LILRA1: variants seen among roughly 807,000 people sequenced by gnomAD.
LILRA1 encodes the protein leukocyte immunoglobulin like receptor A1.
A neutral mutation model predicts 51.6 loss-of-function variants in LILRA1; 51 were observed. The ratio of observed to expected loss-of-function variants is 0.99; its 90% CI spans 0.79 to 1.25. The LOEUF is 1.25. LILRA1 is among the 50% of genes most tolerant of loss of function. LILRA1 has a pLI of 0.00. For synonymous variants in LILRA1, 305 were observed against 248.4 expected (o/e 1.23, Z -2.14); for missense variants, 660 against 611.7 (o/e 1.08, Z -0.83).
intron 1 of LILRA1, 112 bp from the exon 2 acceptor site, chr19:54,594,084 TC>T: frequency 3.4e-6 from 4 of 1,190,212 alleles, no homozygotes; most frequent in Non-Finnish European, 4.8e-6. Context: ...TAGTTCTGCT[TC>T]CTGTGTGGCT....
chr19:54,598,309 T>TA (rs1238037042), intron 7 of LILRA1, among the ~76,000 whole-genome samples: 9 of 152,220 alleles, frequency 5.9e-5, no homozygotes, highest in African/African-American at 1.9e-4. Context: ...CTTGATTTAA[T>TA]TTATATATTC....
chr19:54,597,292 G>A (rs1300516419), intron 7 of LILRA1, among the ~76,000 whole-genome samples: 9 of 152,310 alleles, frequency 5.9e-5, no homozygotes, highest in African/African-American at 2.2e-4. Flanking sequence ...TGGCTTCCTG[G>A]TGCTCCAGGG....
chr19:54,596,199 T>C lies in LILRA1; in HGVS notation c.969T>C (p.Arg323=). The C allele has an allele frequency of 6.2e-7, 1 of 1,613,662 alleles. No homozygotes were observed. The highest frequency in any genetic ancestry group is 8.5e-7 in the Non-Finnish European group (1 of 1,179,776). The change falls in exon 7 of 10, where the codon CGT becomes CGC. Residue 323 remains arginine (R), a synonymous_variant. Transcript: ENST00000251372. Reference sequence around the variant, plus strand: ...CCTTCTTCTCTCCAGGACAGTTCCGTGGCAGACCCTTCATCTCGGTGCATC... The same window carrying C: ...CCTTCTTCTCTCCAGGACAGTTCCGCGGCAGACCCTTCATCTCGGTGCATC... ...PLDILIAGQF[R]GRPFISVHPG...
chr19:54,593,713 G>A lies in LILRA1; in HGVS notation c.-117G>A. 1 of 572,362 alleles carries A rather than the reference G, an allele frequency of 1.7e-6. No homozygotes were observed. The highest frequency in any genetic ancestry group is 3.0e-6 in the Non-Finnish European group (1 of 330,396). The allele number at this position is 572,362 out of a possible 1,614,324, so 35.5% of individuals were successfully genotyped here. On this transcript the variant is annotated 5_prime_UTR_variant, in exon 1 of 10. The change abolishes the stop of an existing upstream ORF in the 5' untranslated region. Coordinates refer to ENST00000251372, the MANE Select transcript of LILRA1 (RefSeq NM_006863.4). ...ATGCGAGATGCTTCTCTGCTGATCT[G>A]AGTCTGCCTGCAGCATGGACCTTGG...
chr19:54,594,402 G>A (rs772588461), intron 2 of LILRA1, 39 bp from the exon 3 acceptor site: 3 of 1,614,214 alleles, frequency 1.9e-6, no homozygotes, highest in Non-Finnish European at 2.5e-6. Context: ...ACCTGCCCAG[G>A]CTTCAGGGGC....
chr19:54,594,815 C>T lies in LILRA1; in HGVS notation c.221C>T (p.Pro74Leu), dbSNP rs1261726502. 6.2e-7 allele frequency: 1 copy of T among 1,614,114 alleles called. No homozygotes were observed. ...KKTAPWITRI[P>L]QEIVKKGQFP... is the part of the protein sequence containing the mutation. ...ACAGCACCCTGGATTACACGGATCC[C>T]ACAGGAGATTGTGAAGAAGGGCCAG... The change falls in exon 4 of 10, where the codon CCA (proline) becomes CTA (leucine). Residue 74 changes from proline (P) to leucine (L), a missense_variant. Physicochemically the swap from Pro to Leu is moderately conservative, Grantham distance 98. Transcript: ENST00000251372.
intron 5 of LILRA1, 42 bp from the exon 6 acceptor site, chr19:54,595,597 C>G: frequency 6.3e-7 from 1 of 1,575,150 alleles, no homozygotes; most frequent in African/African-American, 1.4e-5. Context: ...TGTGGGGAAG[C>G]CTGAGGGTCG....
intron 2 of LILRA1, 75 bp downstream of exon 2, chr19:54,594,353 G>C: frequency 1.2e-6 from 2 of 1,614,008 alleles, no homozygotes; most frequent in Non-Finnish European, 1.7e-6. Context: ...AGTCCCTAAG[G>C]AGACCCCAGG....
rs2063164094 is a variant in LILRA1, at chr19:54,601,722, T to C, written c.*905T>C. ...ATCCAGCTGCAGACAAGACCTCAGG[T>C]CGATGAATCTTGACAAGCAGTTGAG... On this transcript the variant is annotated 3_prime_UTR_variant, in exon 10 of 10. Transcript: ENST00000251372. 6.6e-6 allele frequency: 1 copy of C among 152,184 alleles called. No homozygotes were observed. Among genetic ancestry groups the C allele is most frequent in the Non-Finnish European group, 1.5e-5 (1 of 68,032 alleles). The allele number at this position is 152,184 out of a possible 1,614,324, so 9.4% of individuals were successfully genotyped here.
At chr19:54,594,537 C>G in intron 3 of LILRA1, 61 bp downstream of exon 3, 1 of 1,447,010 alleles carries the variant, frequency 6.9e-7, no homozygotes. Flanking sequence ...GGGCCACCCC[C>G]GTGCAGCTGG....
chr19:54,600,652 A>T, intron 9 of LILRA1, 47 bp from the exon 10 acceptor site: 2 of 1,612,562 alleles, frequency 1.2e-6, no homozygotes, highest in Non-Finnish European at 1.7e-6. Flanking sequence ...TCCTGGGTGA[A>T]GTTGATCTGC....
chr19:54,595,888 C>G lies in LILRA1; in HGVS notation c.911C>G (p.Ser304Cys). The change falls in exon 6 of 10, where the codon TCC (serine) becomes TGC (cysteine). Residue 304 changes from serine to cysteine, a missense_variant. Ser to Cys is a moderately radical substitution (Grantham distance 112). Coordinates refer to ENST00000251372, the MANE Select transcript of LILRA1 (RefSeq NM_006863.4). ...QYRCSGAYNLSSEWSAPSDPL... is the reference protein window; with the variant it reads ...QYRCSGAYNLCSEWSAPSDPL... Reference sequence around the variant, plus strand: ...AGATGCTCCGGTGCATACAACCTCTCCTCCGAGTGGTCGGCCCCCAGCGAC... The same window carrying G: ...AGATGCTCCGGTGCATACAACCTCTGCTCCGAGTGGTCGGCCCCCAGCGAC... 1 of 1,613,870 alleles carries G rather than the reference C, an allele frequency of 6.2e-7. No individual in the cohort carries two copies. The highest frequency in any genetic ancestry group is 8.5e-7 in the Non-Finnish European group (1 of 1,179,956).
In LILRA1 at chr19:54,595,265, A is replaced by T; in HGVS notation, c.524A>T (p.His175Leu). 6.2e-7 allele frequency: 1 copy of T among 1,611,816 alleles called. No individual in the cohort carries two copies. The highest frequency in any genetic ancestry group is 8.5e-7 in the Non-Finnish European group (1 of 1,179,380). Residue 175 changes from histidine (H) to leucine (L), a missense_variant, in exon 5 of 10, where the codon CAT (histidine) becomes CTT (leucine). Coordinates refer to ENST00000251372, the MANE Select transcript of LILRA1 (RefSeq NM_006863.4). ...PQCLNSQPRT[H>L]GWSRAIFSVG... The stretch of plus-strand genomic sequence containing the variant: ...TGCCTGAACTCACAGCCCCGTACCC[A>T]TGGGTGGTCCCGGGCCATCTTCTCT...
At chr19:54,597,596 T>G (rs2063086045) in intron 7 of LILRA1, among the ~76,000 whole-genome samples, 2 of 151,970 alleles carry the variant, frequency 1.3e-5, no homozygotes, top group African/African-American at 4.8e-5. Flanking sequence ...GGGTCCAGCC[T>G]GACTTGGACA....
Position 54,600,564 on chromosome 19 carries a change from T to C in LILRA1, c.1351+14T>C. The C allele has an allele frequency of 3.5e-5, 57 of 1,614,108 alleles. No homozygotes were observed. Among genetic ancestry groups the C allele is most frequent in the Non-Finnish European group, 4.8e-5 (57 of 1,179,998 alleles). On this transcript the variant is annotated intron_variant, in intron 9 of 9. Transcript: ENST00000251372. ...AAAACAAGACTGGTGAGTGAGGAGA[T>C]GCTCTCGTTTACGGTGCTGGGCACA...
At position 54,600,683 on chromosome 19, in the gene LILRA1, T is replaced by G; in HGVS notation, c.1352-16T>G. The stretch of plus-strand genomic sequence containing the variant: ...TCTGCCCTGACCTCTGTGACCTCTT[T>G]GCCCACCATCCCCAGCCTCACACCC... On this transcript the variant is annotated splice_polypyrimidine_tract_variant and intron_variant, in intron 9 of 9. Transcript: ENST00000251372. The G allele has an allele frequency of 1.9e-6, 3 of 1,613,904 alleles. No individual in the cohort carries two copies. Among genetic ancestry groups the G allele is most frequent in the Non-Finnish European group, 2.5e-6 (3 of 1,179,852 alleles).
At position 54,599,198 on chromosome 19, in the gene LILRA1, C is replaced by T. The variant is rs764432565; in HGVS notation, c.1262-38C>T. ...ATATAGAATTTGTTATATAAGTTAC[C>T]TCTGAATATGTCTCTTCTCCTCTGT... On this transcript the variant is annotated intron_variant, in intron 7 of 9. Transcript: ENST00000251372. 6 of 1,522,482 alleles carry T rather than the reference C, an allele frequency of 3.9e-6. No homozygotes were observed. In the African/African-American group the frequency reaches 8.3e-5, roughly 21 times the overall value. The allele number at this position is 1,522,482 out of a possible 1,614,324, so 94.3% of individuals were successfully genotyped here. A position where few individuals can be genotyped will look rare whatever the true frequency, so the allele number is the denominator to read the frequency against.
At position 54,595,250 on chromosome 19, in the gene LILRA1, C is replaced by T. The variant is rs2063010887; in HGVS notation, c.509C>T (p.Ser170Leu). 2 of 1,614,002 alleles carry T rather than the reference C, an allele frequency of 1.2e-6. No individual in the cohort carries two copies. Among genetic ancestry groups the T allele is most frequent in the African/African-American group, 2.7e-5 (2 of 74,902 alleles). Residue 170 changes from serine (S) to leucine (L), a missense_variant, in exon 5 of 10, where the codon TCA (serine) becomes TTA (leucine). Transcript: ENST00000251372. Reference sequence around the variant, plus strand: ...GATGAACACCCACAATGCCTGAACTCACAGCCCCGTACCCATGGGTGGTCC... The same window carrying T: ...GATGAACACCCACAATGCCTGAACTTACAGCCCCGTACCCATGGGTGGTCC... ...GEDEHPQCLN[S>L]QPRTHGWSRA...
At chr19:54,599,093 C>A in intron 7 of LILRA1, 143 bp from the exon 8 acceptor site, 1 of 1,039,576 alleles carries the variant, frequency 9.6e-7, no homozygotes, top group Non-Finnish European at 1.3e-6. Flanking sequence ...TGTGCCTGGC[C>A]TGAATATAAT....
Sources: gnomAD v4.1 joint callset for allele counts (sites outside exome capture counted in the v4.1 genomes callset) on GRCh38, gnomAD v4.1.1 for gene constraint, MANE v1.5 for transcripts, NCBI Gene and HGNC (gene_info 2026-07-23, HGNC 2026-07-21) for gene names.